CDKAL1: variants seen among roughly 807,000 people sequenced by gnomAD.
CDKAL1 encodes the protein threonylcarbamoyladenosine tRNA methylthiotransferase.
A neutral mutation model predicts 68.2 loss-of-function variants in CDKAL1; 32 were observed. The ratio of observed to expected loss-of-function variants is 0.47; its 90% confidence interval spans 0.35 to 0.63. The LOEUF (loss-of-function observed/expected upper bound fraction) is 0.63. Ranked by LOEUF, CDKAL1 falls within the 30% of genes least tolerant of loss-of-function variation. The pLI is 0.00. For missense variants in CDKAL1, 606 were observed against 696.7 expected (o/e 0.87, Z 1.47); for synonymous variants, 234 against 244.3 (o/e 0.96, Z 0.39).
chr6:21,198,860 G>C (rs1212573609), intron 14 of CDKAL1, among the ~76,000 whole-genome samples: 1 of 152,190 alleles, frequency 6.6e-6, no homozygotes, highest in East Asian at 1.9e-4. Context: ...CAATTCAAAA[G>C]TGACTGAGGA....
chr6:21,136,486 A>G (rs1267626391), intron 13 of CDKAL1, among the ~76,000 whole-genome samples: 1 of 152,238 alleles, frequency 6.6e-6, no homozygotes, highest in Middle Eastern at 3.2e-3. Context: ...ATAGCAAAGC[A>G]TAAATGTGTT....
At chr6:20,950,763 G>C (rs1200678348) in intron 9 of CDKAL1, among the ~76,000 whole-genome samples, 2 of 152,002 alleles carry the variant, frequency 1.3e-5, no homozygotes, top group Non-Finnish European at 2.9e-5. Context: ...GTCAGCAGTT[G>C]GAGACTAGCC....
At chr6:21,082,079 A>G (rs541202644) in intron 12 of CDKAL1, among the ~76,000 whole-genome samples, 1 of 151,664 alleles carries the variant, frequency 6.6e-6, no homozygotes, top group East Asian at 2.0e-4. Context: ...TGCCCCTTGC[A>G]ATCCATTTAT....
At chr6:20,582,386 T>C (rs1765175475) in intron 4 of CDKAL1, among the ~76,000 whole-genome samples, 1 of 152,216 alleles carries the variant, frequency 6.6e-6, no homozygotes, top group Non-Finnish European at 1.5e-5. Context: ...TTTCTGTATA[T>C]TTATTTAAGT....
chr6:20,671,101 C>T (rs543605185), intron 5 of CDKAL1, among the ~76,000 whole-genome samples: 27 of 152,276 alleles, frequency 1.8e-4, no homozygotes, highest in African/African-American at 6.0e-4. Context: ...CCTAGTTACC[C>T]TCCAAAAGGG....
intron 11 of CDKAL1, among the ~76,000 whole-genome samples, chr6:21,038,683 A>G (rs58618352): frequency 1.9e-3 from 287 of 151,956 alleles, no homozygotes; most frequent in Middle Eastern, 6.8e-3. Context: ...TTTTTTTGTG[A>G]TTTTTTTTGG....
intron 11 of CDKAL1, among the ~76,000 whole-genome samples, chr6:21,035,906 CTATT>C (rs1769556878): frequency 6.6e-6 from 1 of 152,158 alleles, no homozygotes; most frequent in South Asian, 2.1e-4. Flanking sequence ...TCTACTTCCT[CTATT>C]TGTCTTTTAT....
At chr6:20,698,788 A>T (rs1243735189) in intron 5 of CDKAL1, among the ~76,000 whole-genome samples, 1 of 152,188 alleles carries the variant, frequency 6.6e-6, no homozygotes, top group Non-Finnish European at 1.5e-5. Flanking sequence ...TCATGGTAAA[A>T]ATTGTGGTAA....
At chr6:20,671,751 G>A (rs1769826284) in intron 5 of CDKAL1, among the ~76,000 whole-genome samples, 1 of 151,564 alleles carries the variant, frequency 6.6e-6, no homozygotes, top group Admixed American at 6.6e-5. Flanking sequence ...TTTTAGTGAT[G>A]GGGTCTCGTT....
At chr6:21,191,392 ATGACACAGCTAGC>A (rs1562104193) in intron 13 of CDKAL1, among the ~76,000 whole-genome samples, 2 of 152,228 alleles carry the variant, frequency 1.3e-5, no homozygotes, top group African/African-American at 4.8e-5. Flanking sequence ...TGTGACACAA[ATGACACAGCTAGC>A]TGATTATGTA....
At chr6:20,924,424 G>C (rs1375883840) in intron 9 of CDKAL1, among the ~76,000 whole-genome samples, 2 of 151,708 alleles carry the variant, frequency 1.3e-5, no homozygotes, top group Admixed American at 6.6e-5. Context: ...TGAAAGCTGG[G>C]TCTCTTATAC....
At chr6:21,173,145 T>TC (rs1006453623) in intron 13 of CDKAL1, among the ~76,000 whole-genome samples, 128 of 151,736 alleles carry the variant, frequency 8.4e-4, no homozygotes, top group African/African-American at 2.9e-3. Flanking sequence ...TCCTCCTGCA[T>TC]CCCCCCCACA....
intron 15 of CDKAL1, among the ~76,000 whole-genome samples, chr6:21,205,470 CTTTTGTTTTG>C (rs113246770): frequency 4.0e-5 from 6 of 151,828 alleles, no homozygotes; most frequent in East Asian, 3.9e-4. Context: ...CTTATTTTCT[CTTTTGTTTTG>C]TTTTGTTTTG....
chr6:20,747,078 A>G (rs1041572881), intron 6 of CDKAL1, among the ~76,000 whole-genome samples: 21 of 152,252 alleles, frequency 1.4e-4, no homozygotes, highest in Admixed American at 1.2e-3. Context: ...TTTACACACA[A>G]TTGAAATCAT....
intron 4 of CDKAL1, among the ~76,000 whole-genome samples, chr6:20,622,656 T>C (rs1432138702): frequency 6.6e-6 from 1 of 152,114 alleles, no homozygotes; most frequent in Non-Finnish European, 1.5e-5. Context: ...TTCAGAGAGA[T>C]ACAGGTTCAG....
At chr6:21,204,746 A>G (rs1778829597) in intron 15 of CDKAL1, among the ~76,000 whole-genome samples, 1 of 152,102 alleles carries the variant, frequency 6.6e-6, no homozygotes. Context: ...CAGGATTTAT[A>G]TCCCCACTTT....
chr6:20,987,010 C>T (rs1766498409), intron 10 of CDKAL1, among the ~76,000 whole-genome samples: 1 of 152,144 alleles, frequency 6.6e-6, no homozygotes, highest in African/African-American at 2.4e-5. Context: ...TTTGACCTTT[C>T]CCATGATTGG....
chr6:21,209,531 G>C (rs1335457662), intron 15 of CDKAL1, among the ~76,000 whole-genome samples: 1 of 152,170 alleles, frequency 6.6e-6, no homozygotes, highest in Non-Finnish European at 1.5e-5. Flanking sequence ...TGTTCCTCTG[G>C]TAATACTGCT....
intron 9 of CDKAL1, among the ~76,000 whole-genome samples, chr6:20,934,222 T>A (rs1763598618): frequency 6.6e-6 from 1 of 152,156 alleles, no homozygotes; most frequent in African/African-American, 2.4e-5. Flanking sequence ...AGAGTGGATT[T>A]CATCTACTCT....
Sources: gnomAD v4.1 joint callset for allele counts (sites outside exome capture counted in the v4.1 genomes callset) on GRCh38, gnomAD v4.1.1 for gene constraint, MANE v1.5 for transcripts, NCBI Gene and HGNC (gene_info 2026-07-23, HGNC 2026-07-21) for gene names.